Variants in LDLRAD4 observed in about 807,000 individuals in gnomAD.
The protein encoded by LDLRAD4 is low-density lipoprotein receptor class A domain-containing protein 4.
A neutral mutation model predicts 17.0 loss-of-function variants in LDLRAD4; 5 were observed. The ratio of observed to expected loss-of-function variants is 0.29; its 90% CI spans 0.15 to 0.62. LDLRAD4 has a LOEUF of 0.62. LDLRAD4 is among the 20% of genes least tolerant of loss of function. LDLRAD4 has a pLI of 0.84. For missense variants in LDLRAD4, 340 were observed against 424.7 expected (o/e 0.80, Z 1.75); for synonymous variants, 168 against 171.8 (o/e 0.98, Z 0.17).
At chr18:13,288,067 G>A (rs924849837) in intron 1 of LDLRAD4, among the ~76,000 whole-genome samples, 1 of 152,198 alleles carries the variant, frequency 6.6e-6, no homozygotes, top group Non-Finnish European at 1.5e-5. Context: ...AAGGTGGAAT[G>A]GGAACAATTA....
rs1329996941 is a variant in LDLRAD4, at chr18:13,621,774, T to G, written c.336+503T>G. 2.7e-5 allele frequency among the ~76,000 whole-genome samples: 4 copies of G among 147,076 alleles called. No individual in the cohort carries two copies. Among genetic ancestry groups the G allele is most frequent in the Non-Finnish European group, 6.0e-5 (4 of 67,010 alleles). ...GGAGCTTAAGGCCTCGGGAGCTTCC[T>G]GGGGATCGGCGGTGGGGTTGTTGGC... On this transcript the variant is annotated intron_variant, in intron 4 of 5. Transcript: ENST00000359446. This position sits in a 1 kb window ranked among gnomAD's most constrained non-coding sequence, Gnocchi z 5.5.
At position 13,476,187 on chromosome 18, in the gene LDLRAD4, T is replaced by C. The variant is rs536137320; in HGVS notation, c.181+37803T>C. On this transcript the variant is annotated intron_variant, in intron 3 of 5. Transcript: ENST00000359446. Reference sequence around the variant, plus strand: ...GGGGCTCTGCTTTGTGGGTGAGAGGTGGCAAAGTCACGTTCAGGGGTCACA... The same window carrying C: ...GGGGCTCTGCTTTGTGGGTGAGAGGCGGCAAAGTCACGTTCAGGGGTCACA... Among the ~76,000 whole-genome samples, 9 of 152,228 alleles carry C rather than the reference T, an allele frequency of 5.9e-5. No homozygotes were observed. In the South Asian group the frequency reaches 1.7e-3, roughly 28 times the overall value.
At chr18:13,327,345 T>TG (rs1411441366) in intron 1 of LDLRAD4, among the ~76,000 whole-genome samples, 1 of 151,934 alleles carries the variant, frequency 6.6e-6, no homozygotes, top group Non-Finnish European at 1.5e-5. Context: ...CCAAGGGACA[T>TG]GGGGCCTCGA....
At chr18:13,297,750 T>TA (rs1199971204) in intron 1 of LDLRAD4, among the ~76,000 whole-genome samples, 3 of 152,212 alleles carry the variant, frequency 2.0e-5, no homozygotes, top group Admixed American at 1.3e-4. Context: ...CAGTGAACTA[T>TA]AATCCCACCA....
At chr18:13,644,839 C>T (rs545277541) in intron 5 of LDLRAD4, 32 of 409,150 alleles carry the variant, frequency 7.8e-5, no homozygotes, top group Middle Eastern at 6.6e-4. Flanking sequence ...ACACGTAGCA[C>T]GCACAGAAAC....
intron 4 of LDLRAD4, among the ~76,000 whole-genome samples, chr18:13,632,649 C>T (rs1019187893): frequency 1.3e-5 from 2 of 152,184 alleles, no homozygotes; most frequent in African/African-American, 4.8e-5. Flanking sequence ...TCCTTCTTGT[C>T]CCCCACAGTG....
chr18:13,315,555 C>T (rs1352712543), intron 1 of LDLRAD4, among the ~76,000 whole-genome samples: 6 of 151,990 alleles, frequency 3.9e-5, no homozygotes, highest in Non-Finnish European at 5.9e-5. Flanking sequence ...GAGGCCGAGG[C>T]GGGAGGATCA....
chr18:13,374,256 G>A lies in LDLRAD4; in HGVS notation c.-382-13085G>A, dbSNP rs531833485. 3.3e-5 allele frequency among the ~76,000 whole-genome samples: 5 copies of A among 151,962 alleles called. No homozygotes were observed. The East Asian group carries it at 5.8e-4, about 18-fold the overall frequency. On this transcript the variant is annotated intron_variant, in intron 1 of 5. Transcript: ENST00000359446. ...CCCCACACAGGCTCCTATGGAGGCCGGAGCCCTCTCAGCCCTGACCCCACA... is the reference window on the plus strand; with the variant it reads ...CCCCACACAGGCTCCTATGGAGGCCAGAGCCCTCTCAGCCCTGACCCCACA...
chr18:13,433,691 T>C (rs555578216), intron 2 of LDLRAD4, among the ~76,000 whole-genome samples: 1 of 150,296 alleles, frequency 6.7e-6, no homozygotes, highest in South Asian at 2.1e-4. Flanking sequence ...TTAAAATTTT[T>C]TTTAACATAG....
chr18:13,423,938 T>C (rs2089707036), intron 2 of LDLRAD4, among the ~76,000 whole-genome samples: 1 of 152,036 alleles, frequency 6.6e-6, no homozygotes, highest in Non-Finnish European at 1.5e-5. Context: ...AGTTTGAGAC[T>C]AGCCTGACCA....
At chr18:13,573,503 G>A (rs988898067) in intron 3 of LDLRAD4, among the ~76,000 whole-genome samples, 2 of 152,236 alleles carry the variant, frequency 1.3e-5, no homozygotes, top group African/African-American at 4.8e-5. Flanking sequence ...GCCTCCCAAA[G>A]TGCTGGGATT....
At chr18:13,258,958 G>A (rs1449803251) in intron 1 of LDLRAD4, among the ~76,000 whole-genome samples, 2 of 152,180 alleles carry the variant, frequency 1.3e-5, no homozygotes, top group Non-Finnish European at 1.5e-5. Flanking sequence ...TACAACTTCC[G>A]ACCAGCATGA....
At chr18:13,450,704 G>A (rs1170288842) in intron 3 of LDLRAD4, among the ~76,000 whole-genome samples, 1 of 152,172 alleles carries the variant, frequency 6.6e-6, no homozygotes, top group East Asian at 1.9e-4. Flanking sequence ...ACAAAGTTGT[G>A]GCACGTATCT....
chr18:13,457,846 T>C (rs890471), intron 3 of LDLRAD4, among the ~76,000 whole-genome samples: 130,816 of 152,160 alleles, frequency 0.86, 56,437 homozygotes, highest in South Asian at 0.92. Flanking sequence ...ACTTGCTCTT[T>C]GTGGTGGTAA....
intron 3 of LDLRAD4, chr18:13,522,299 G>A (rs990398024): frequency 3.3e-5 from 5 of 152,146 alleles, no homozygotes; most frequent in Non-Finnish European, 7.3e-5. Flanking sequence ...ACCCTTGAAA[G>A]TGGAACATTA....
chr18:13,324,430 C>T (rs1331945009), intron 1 of LDLRAD4, among the ~76,000 whole-genome samples: 2 of 152,158 alleles, frequency 1.3e-5, no homozygotes, highest in South Asian at 2.1e-4. Context: ...GCATGAGCCA[C>T]CGCGCCTGGC....
At chr18:13,321,531 A>T (rs1010574458) in intron 1 of LDLRAD4, among the ~76,000 whole-genome samples, 6 of 152,150 alleles carry the variant, frequency 3.9e-5, no homozygotes, top group African/African-American at 1.4e-4. Flanking sequence ...GGTTTGGATA[A>T]TTAGAATGGA....
intron 2 of LDLRAD4, among the ~76,000 whole-genome samples, chr18:13,432,213 A>C (rs981864282): frequency 1.2e-4 from 19 of 152,274 alleles, no homozygotes; most frequent in Non-Finnish European, 2.4e-4. Flanking sequence ...GCTGACGTTT[A>C]AGAAGAATCG....
chr18:13,565,926 ATGTCCCATG>A (rs1046104121), intron 3 of LDLRAD4, among the ~76,000 whole-genome samples: 3 of 152,246 alleles, frequency 2.0e-5, no homozygotes, highest in African/African-American at 7.2e-5. Context: ...TGTGACGATG[ATGTCCCATG>A]TGGCATTAAA....
Sources: gnomAD v4.1 joint callset for allele counts (sites outside exome capture counted in the v4.1 genomes callset) on GRCh38, gnomAD v4.1.1 for gene constraint, Gnocchi (gnomAD v3.1) non-coding constraint, MANE v1.5 for transcripts, NCBI Gene and HGNC (gene_info 2026-07-23, HGNC 2026-07-21) for gene names.